Variants in SARS1 observed in about 807,000 individuals in gnomAD.
SARS1 encodes serine--tRNA ligase, cytoplasmic.
In SARS1, 25 loss-of-function variants were observed where a neutral mutation model predicts 63.7. The observed-to-expected ratio is 0.39, with a 90% confidence interval of 0.29 to 0.55. SARS1 has a LOEUF of 0.55. Ranked by LOEUF, SARS1 falls within the 20% of genes least tolerant of loss-of-function variation. The pLI, the probability that SARS1 is intolerant of heterozygous loss-of-function variation, is 0.62. For synonymous variants in SARS1, 231 were observed against 243.5 expected (o/e 0.95, Z 0.48); for missense variants, 417 against 649.7 (o/e 0.64, Z 3.89).
intron 3 of SARS1, among the ~76,000 whole-genome samples, chr1:109,228,723 C>T (rs1655143785): frequency 6.6e-6 from 1 of 152,222 alleles, no homozygotes; most frequent in African/African-American, 2.4e-5. Context: ...GTTTGTTACA[C>T]AAAGGCAAGA....
At chr1:109,219,134 C>T (rs11102960) in intron 1 of SARS1, among the ~76,000 whole-genome samples, 109,544 of 149,524 alleles carry the variant, frequency 0.73, 41,378 homozygotes, top group East Asian at 0.93. Context: ...GGTGTGGTGG[C>T]GGGCGCCTGT....
In SARS1 at chr1:109,217,544, T is replaced by C. The variant is rs150418500; in HGVS notation, c.136+3416T>C. Among the ~76,000 whole-genome samples, 9 of 149,010 alleles carry C rather than the reference T, an allele frequency of 6.0e-5. No individual in the cohort carries two copies. The East Asian group carries it at 1.2e-3, about 19-fold the overall frequency. Reference sequence around the variant, plus strand: ...GTCTTGTATACCCAAAAGTTATATATATATAAATATATATATAATTATTAT... The same window carrying C: ...GTCTTGTATACCCAAAAGTTATATACATATAAATATATATATAATTATTAT... On this transcript the variant is annotated intron_variant, in intron 1 of 10. Coordinates refer to ENST00000234677, the MANE Select transcript of SARS1 (RefSeq NM_006513.4).
At chr1:109,215,495 T>C in intron 1 of SARS1, 1 of 984,608 alleles carries the variant, frequency 1.0e-6, no homozygotes, top group Non-Finnish European at 1.2e-6. Context: ...ACAGTATATA[T>C]GTGGATATAC....
At chr1:109,229,303 C>A in intron 3 of SARS1, 111 bp from the exon 4 acceptor site, 2 of 1,085,398 alleles carry the variant, frequency 1.8e-6, no homozygotes, top group Non-Finnish European at 2.7e-6. Context: ...TTTTAAAATG[C>A]TACCACAAGG....
At chr1:109,215,789 T>TC (rs1654771595) in intron 1 of SARS1, 1 of 439,002 alleles carries the variant, frequency 2.3e-6, no homozygotes, top group South Asian at 9.7e-5. Flanking sequence ...CACTGCAACC[T>TC]CCATCTCCCG....
In SARS1 at chr1:109,214,726, C is replaced by T. The variant is rs761136922; in HGVS notation, c.136+598C>T. On this transcript the variant is annotated intron_variant, in intron 1 of 10. Transcript: ENST00000234677. This position sits in a 1 kb window ranked among gnomAD's most constrained non-coding sequence, Gnocchi z 4.6. The stretch of plus-strand genomic sequence containing the variant: ...CCTTTAAGAATTAGAAAAGTCTTTT[C>T]CGTGGTAGATCAAACGCGAGGGGAG... 2.9e-5 allele frequency: 29 copies of T among 985,414 alleles called. No homozygotes were observed. The highest frequency in any genetic ancestry group is 1.9e-4 in the South Asian group (4 of 21,292). 61.0% of individuals were successfully genotyped at this position (985,414 alleles called of 1,614,324 possible).
chr1:109,215,069 G>T lies in SARS1; in HGVS notation c.136+941G>T, dbSNP rs1054484494. Reference sequence around the variant, plus strand: ...CACTGCAAAGGCAGCCACTATCCAAGAGTGTGATGGATTTCTATTAGGAAA... The same window carrying T: ...CACTGCAAAGGCAGCCACTATCCAATAGTGTGATGGATTTCTATTAGGAAA... On this transcript the variant is annotated intron_variant, in intron 1 of 10. Transcript: ENST00000234677. The T allele has an allele frequency of 1.1e-5, 11 of 985,350 alleles. No homozygotes were observed. In the African/African-American group the frequency reaches 1.9e-4, roughly 17 times the overall value. 61.0% of individuals were successfully genotyped at this position (985,350 alleles called of 1,614,324 possible). A position where few individuals can be genotyped will look rare whatever the true frequency, so the allele number is the denominator to read the frequency against.
chr1:109,234,876 G>A (rs1655277801), intron 6 of SARS1, among the ~76,000 whole-genome samples: 1 of 152,234 alleles, frequency 6.6e-6, no homozygotes, highest in South Asian at 2.1e-4. Flanking sequence ...TGAGGTGGGA[G>A]AGTCGCTTGA....
intron 8 of SARS1, 135 bp downstream of exon 8, chr1:109,236,241 T>A (rs920745062): frequency 1.5e-6 from 2 of 1,303,550 alleles, no homozygotes; most frequent in Non-Finnish European, 1.1e-6. Flanking sequence ...TACACTCTTC[T>A]CACTTGGGAG....
At chr1:109,236,874 T>C in intron 9 of SARS1, 1 of 1,597,216 alleles carries the variant, frequency 6.3e-7, no homozygotes, top group Non-Finnish European at 8.5e-7. Flanking sequence ...CAAGAAGGTC[T>C]GGGTTGTAAG....
In SARS1 at chr1:109,214,143, G is replaced by C. The variant is rs757224328; in HGVS notation, c.136+15G>C. On this transcript the variant is annotated intron_variant, in intron 1 of 10. Coordinates refer to ENST00000234677, the MANE Select transcript of SARS1 (RefSeq NM_006513.4). The surrounding 1 kb of genome is among the most constrained non-coding windows in gnomAD (Gnocchi z 4.6). ...GTGGCGACGATGTAAGTACCGGGAC[G>C]GGCGGGTTACCTCCTTGATGCTAAA... The C allele has an allele frequency of 2.5e-6, 4 of 1,612,410 alleles. No homozygotes were observed. The highest frequency in any genetic ancestry group is 2.7e-5 in the African/African-American group (2 of 74,792).
intron 1 of SARS1, among the ~76,000 whole-genome samples, chr1:109,219,126 T>C (rs998436076): frequency 3.0e-4 from 45 of 149,772 alleles, no homozygotes; most frequent in African/African-American, 9.8e-4. Flanking sequence ...ATTAGCCGGG[T>C]GTGGTGGCGG....
At chr1:109,215,616 T>A in intron 1 of SARS1, 1 of 979,776 alleles carries the variant, frequency 1.0e-6, no homozygotes, top group Non-Finnish European at 1.2e-6. Context: ...TCAGGGCACT[T>A]TATATTCTTT....
At chr1:109,217,222 TTG>T (rs1190023261) in intron 1 of SARS1, 1 of 828,108 alleles carries the variant, frequency 1.2e-6, no homozygotes, top group African/African-American at 1.8e-5. Context: ...GTTGAAAATA[TTG>T]TAAGTAAAAA....
At chr1:109,231,477 ATG>A (rs1357238187) in intron 5 of SARS1, 152 bp from the exon 6 acceptor site, 15 of 518,002 alleles carry the variant, frequency 2.9e-5, no homozygotes, top group Middle Eastern at 1.1e-3. Flanking sequence ...AAGGTTCAGA[ATG>A]TCAGTTGCTG....
Position 109,237,824 on chromosome 1 carries a change from AAGC to A in SARS1, c.1489_1491del (p.Ala497del). ...AAGCAACATGAGGGCAGCAAAAAGAAAGCAGCAGCAAGAGACGTCACCCTAGAA... is the reference window on the plus strand; with the variant it reads ...AAGCAACATGAGGGCAGCAAAAAGAAAGCAGCAAGAGACGTCACCCTAGAA... On this transcript the variant is annotated inframe_deletion, in exon 11 of 11. Transcript: ENST00000234677. The surrounding 1 kb of genome is among the most constrained non-coding windows in gnomAD (Gnocchi z 4.1). 7 of 1,614,196 alleles carry A rather than the reference AAGC, an allele frequency of 4.3e-6. No homozygotes were observed. Among genetic ancestry groups the A allele is most frequent in the Non-Finnish European group, 5.9e-6 (7 of 1,180,032 alleles).
chr1:109,231,951 A>G (rs1218354765), intron 6 of SARS1, among the ~76,000 whole-genome samples, 165 bp downstream of exon 6: 8 of 152,132 alleles, frequency 5.3e-5, no homozygotes, highest in Non-Finnish European at 1.2e-4. Flanking sequence ...GAGGAAGCAC[A>G]TTTTTTATTT....
rs1654727760 is a variant in SARS1 at position 109,213,997 on chromosome 1, T to C, written c.5T>C (p.Val2Ala). 1 of 1,612,222 alleles carries C rather than the reference T, an allele frequency of 6.2e-7. No homozygotes were observed. The highest frequency in any genetic ancestry group is 1.7e-5 in the Admixed American group (1 of 59,744). The change falls in exon 1 of 11, where the codon GTG (valine) becomes GCG (alanine). Residue 2 changes from valine (V) to alanine (A), a missense_variant. Around this residue, in one of 3 missense-constraint regions of SARS1, gnomAD observed 359 missense variants for 529.6 expected, o/e 0.68. Transcript: ENST00000234677. M[V>A]LDLDLFRVDK... The stretch of plus-strand genomic sequence containing the variant: ...GTTGGCCCGGGAGGAAAGAAGATGG[T>C]GCTGGATCTGGATTTGTTTCGGGTG...
intron 1 of SARS1, chr1:109,215,320 G>A (rs1044540094): frequency 1.0e-6 from 1 of 985,308 alleles, no homozygotes; most frequent in African/African-American, 1.7e-5. Flanking sequence ...CTGAAGTCAG[G>A]AGTATCAGAT....
Sources: allele counts gnomAD v4.1 joint callset (sites outside exome capture counted in the v4.1 genomes callset), GRCh38; gene constraint gnomAD v4.1.1; regional missense constraint gnomAD v4.1.1; non-coding constraint Gnocchi (gnomAD v3.1); transcripts MANE v1.5; gene names NCBI Gene and HGNC (gene_info 2026-07-23, HGNC 2026-07-21).